The following ENOSF1 variants were observed in gnomAD, a reference collection of about 807,000 sequenced individuals.
The protein encoded by ENOSF1 is enolase superfamily member 1.
ENOSF1 carries 73 observed loss-of-function variants against 68.2 expected under a neutral mutation model. The ratio of observed to expected loss-of-function variants is 1.07; its 90% CI spans 0.89 to 1.30. The LOEUF is 1.30. Among genes scored for constraint, ENOSF1 ranks in the 50% most tolerant of loss-of-function variants. ENOSF1 has a pLI of 0.00. For missense variants in ENOSF1, 589 were observed against 554.5 expected, an observed-to-expected ratio of 1.06 and a Z score of -0.62; for synonymous variants, 223 against 210.4, an observed-to-expected ratio of 1.06 and a Z score of -0.52.
chr18:708,335 G>A (rs901007850), intron 1 of ENOSF1, among the ~76,000 whole-genome samples: 6 of 151,954 alleles, frequency 3.9e-5, no homozygotes, highest in African/African-American at 1.5e-4. Context: ...CTTGCTAGGG[G>A]GTTACAGATA....
At chr18:710,785 A>G (rs999036606) in intron 1 of ENOSF1, among the ~76,000 whole-genome samples, 11 of 152,260 alleles carry the variant, frequency 7.2e-5, no homozygotes, top group Non-Finnish European at 1.5e-4. Context: ...ACCTAGGCTT[A>G]GAAAGATTGT....
Position 671,082 on chromosome 18 carries a change from T to G in ENOSF1, c.*3223A>C, listed in dbSNP as rs188098794. 201 of 633,554 alleles carry G rather than the reference T, an allele frequency of 3.2e-4. No homozygotes were observed. Among genetic ancestry groups the G allele is most frequent in the Admixed American group, 2.3e-3 (78 of 33,502 alleles). The allele number at this position is 633,554 out of a possible 1,614,324, so 39.2% of individuals were successfully genotyped here. A position where few individuals can be genotyped will look rare whatever the true frequency, so the allele number is the denominator to read the frequency against. ...CGCACTAACAGATCTATACAGGTTG[T>G]TTGTGATACAGCTTCTATGGATTTT... On this transcript the variant is annotated 3_prime_UTR_variant, in exon 16 of 16. Transcript: ENST00000647584.
chr18:712,323 C>G (rs200959841), intron 1 of ENOSF1, 181 bp downstream of exon 1: 1 of 1,388,718 alleles, frequency 7.2e-7, no homozygotes. Flanking sequence ...CTGCAGTCGG[C>G]GGGGCGGGAG....
At chr18:706,687 A>G in intron 1 of ENOSF1, 109 bp from the exon 2 acceptor site, 1 of 757,664 alleles carries the variant, frequency 1.3e-6, no homozygotes, top group African/African-American at 1.7e-5. Context: ...GCCGTGCCAC[A>G]AGAGCTCCCA....
At chr18:709,526 T>G (rs916580368) in intron 1 of ENOSF1, among the ~76,000 whole-genome samples, 6 of 152,144 alleles carry the variant, frequency 3.9e-5, no homozygotes, top group African/African-American at 1.4e-4. Flanking sequence ...AATCCGGCAC[T>G]TTGGGAGGCC....
chr18:703,201 C>G (rs980136405), intron 2 of ENOSF1, among the ~76,000 whole-genome samples: 3 of 152,140 alleles, frequency 2.0e-5, no homozygotes, highest in Non-Finnish European at 2.9e-5. Context: ...GAGACATCCA[C>G]CAAGACAGCG....
intron 14 of ENOSF1, among the ~76,000 whole-genome samples, chr18:676,766 C>A (rs908027829): frequency 1.3e-5 from 2 of 152,222 alleles, no homozygotes; most frequent in Admixed American, 6.5e-5. Flanking sequence ...CCTATGTACC[C>A]TCAAGGGTCC....
chr18:711,505 A>C (rs1157883752), intron 1 of ENOSF1, among the ~76,000 whole-genome samples: 1 of 152,084 alleles, frequency 6.6e-6, no homozygotes, highest in East Asian at 1.9e-4. Flanking sequence ...CATTCACTAC[A>C]TACCCATACA....
chr18:708,252 G>A (rs539618565), intron 1 of ENOSF1, among the ~76,000 whole-genome samples: 4 of 152,292 alleles, frequency 2.6e-5, no homozygotes, highest in African/African-American at 9.6e-5. Flanking sequence ...CCTGAGTCTG[G>A]TATCACAGTC....
downstream of ENOSF1, among the ~76,000 whole-genome samples, chr18:670,171 G>A (rs2144350183): frequency 6.6e-6 from 1 of 151,650 alleles, no homozygotes; most frequent in Middle Eastern, 3.4e-3. Context: ...CAGCCCCAGA[G>A]CTGGGACCAC....
downstream of ENOSF1, among the ~76,000 whole-genome samples, chr18:667,503 GGT>G (rs1282407601): frequency 6.1e-4 from 33 of 53,814 alleles, 7 homozygotes; most frequent in Non-Finnish European, 8.0e-4. Flanking sequence ...TGATGGAGAT[GGT>G]GATGGTGATG....
chr18:695,502 G>A (rs1284006413), intron 3 of ENOSF1, among the ~76,000 whole-genome samples: 1 of 151,974 alleles, frequency 6.6e-6, no homozygotes, highest in Non-Finnish European at 1.5e-5. Flanking sequence ...TGACAGTTAT[G>A]GTGATTTTCT....
chr18:669,331 C>A, downstream of ENOSF1: 4 of 540,014 alleles, frequency 7.4e-6, no homozygotes, highest in Middle Eastern at 3.0e-4. Context: ...TTTTGCTGCA[C>A]TTTCACCTTC....
At chr18:685,240 G>A (rs560256992) in intron 10 of ENOSF1, among the ~76,000 whole-genome samples, 3 of 150,992 alleles carry the variant, frequency 2.0e-5, no homozygotes, top group East Asian at 1.9e-4. Context: ...CCTGAGCTCC[G>A]GCAATCCACT....
chr18:711,539 A>G (rs1445656097), intron 1 of ENOSF1, among the ~76,000 whole-genome samples: 1 of 152,090 alleles, frequency 6.6e-6, no homozygotes, highest in Non-Finnish European at 1.5e-5. Flanking sequence ...AGCGCGGCCA[A>G]TCTCATCAGT....
At chr18:694,944 A>G (rs2077571253) in intron 3 of ENOSF1, among the ~76,000 whole-genome samples, 1 of 152,212 alleles carries the variant, frequency 6.6e-6, no homozygotes, top group African/African-American at 2.4e-5. Flanking sequence ...ACATCAGTGT[A>G]TAGTTCCTGA....
In ENOSF1 at chr18:671,433, C is replaced by T. The variant is rs143415597; in HGVS notation, c.*2872G>A. 2.6e-4 allele frequency: 425 copies of T among 1,610,292 alleles called. No individual in the cohort carries two copies. Among genetic ancestry groups the T allele is most frequent in the African/African-American group, 7.2e-4 (54 of 74,866 alleles). On this transcript the variant is annotated 3_prime_UTR_variant, in exon 16 of 16. Transcript: ENST00000647584. ...ATGCACATATTTACCTGAATCACATCGAGCCACTGAAAATTCAGGTAAGAA... is the reference window on the plus strand; with the variant it reads ...ATGCACATATTTACCTGAATCACATTGAGCCACTGAAAATTCAGGTAAGAA...
chr18:696,916 A>G (rs754294675), intron 3 of ENOSF1, among the ~76,000 whole-genome samples: 5 of 152,138 alleles, frequency 3.3e-5, no homozygotes, highest in Non-Finnish European at 7.4e-5. Flanking sequence ...CAGGAGTTCG[A>G]GACCAGCCTG....
chr18:698,800 T>C (rs1446793925), intron 2 of ENOSF1, among the ~76,000 whole-genome samples: 1 of 152,028 alleles, frequency 6.6e-6, no homozygotes, highest in East Asian at 1.9e-4. Context: ...TCTTGTATTT[T>C]TGGTAGAGAC....
Sources: gnomAD v4.1 joint callset for allele counts (sites outside exome capture counted in the v4.1 genomes callset) on GRCh38, gnomAD v4.1.1 for gene constraint, MANE v1.5 for transcripts, NCBI Gene and HGNC (gene_info 2026-07-23, HGNC 2026-07-21) for gene names.